Variants in ATP11C observed in about 807,000 individuals in gnomAD.
The protein encoded by ATP11C is phospholipid-transporting ATPase IG.
In ATP11C, 36 loss-of-function variants were observed where a neutral mutation model predicts 97.4. The ratio of observed to expected loss-of-function variants is 0.37; its 90% CI spans 0.28 to 0.49. The LOEUF is 0.49. Among genes scored for constraint, ATP11C ranks in the 20% least tolerant of loss-of-function variants. The pLI is 0.98. For synonymous variants in ATP11C, 275 were observed against 290.9 expected, an observed-to-expected ratio of 0.95 and a Z score of 0.56; for missense variants, 730 against 824.6, an observed-to-expected ratio of 0.89 and a Z score of 1.40.
At chrX:139,859,877 G>A (rs1427087436) in intron 1 of ATP11C, among the ~76,000 whole-genome samples, 5 of 81,916 alleles carry the variant, frequency 6.1e-5, no homozygotes, top group Middle Eastern at 5.0e-3. Flanking sequence ...CGAGGCGGGC[G>A]GATCACGAGG....
Position 139,737,910 on chromosome X carries a change from T to C in ATP11C, c.3288+6A>G. ...AATCAGGTTGTAAGATAAACTTAGT[T>C]CTTACCCTGGCACTTCTTCTTCTTA... On this transcript the variant is annotated splice_donor_region_variant and intron_variant, in intron 28 of 29. Transcript: ENST00000682941. 8.3e-7 allele frequency: 1 copy of C among 1,202,214 alleles called. No homozygotes were observed. Among genetic ancestry groups the C allele is most frequent in the African/African-American group, 1.7e-5 (1 of 57,361 alleles).
intron 15 of ATP11C, among the ~76,000 whole-genome samples, chrX:139,785,995 T>C (rs1020354708): frequency 9.0e-6 from 1 of 110,909 alleles, no homozygotes; most frequent in African/African-American, 3.3e-5. Flanking sequence ...AAAAAACTCA[T>C]CAATAGGGGA....
chrX:139,824,447 A>T (rs1377281856), intron 2 of ATP11C, among the ~76,000 whole-genome samples: 1 of 111,933 alleles, frequency 8.9e-6, no homozygotes, highest in East Asian at 2.8e-4. Context: ...CACGCCTGTA[A>T]TCCCAGCACT....
intron 1 of ATP11C, among the ~76,000 whole-genome samples, chrX:139,875,045 C>G (rs1022408802): frequency 9.0e-6 from 1 of 111,566 alleles, no homozygotes; most frequent in African/African-American, 3.3e-5. Flanking sequence ...TCCTCTCCAT[C>G]ACACCACTTT....
chrX:139,812,721 T>C (rs572087386), intron 5 of ATP11C, among the ~76,000 whole-genome samples: 1 of 110,571 alleles, frequency 9.0e-6, no homozygotes, highest in Non-Finnish European at 1.9e-5. Context: ...GGTTTTGCCA[T>C]GTTGCCCAGG....
At chrX:139,754,252 A>G (rs1012954452) in intron 23 of ATP11C, among the ~76,000 whole-genome samples, 2 of 111,593 alleles carry the variant, frequency 1.8e-5, no homozygotes, top group Non-Finnish European at 3.8e-5. Context: ...CTGGACATAT[A>G]CAACCTCCCA....
intron 2 of ATP11C, among the ~76,000 whole-genome samples, chrX:139,826,487 G>A (rs2083532533): frequency 9.0e-6 from 1 of 111,022 alleles, no homozygotes; most frequent in African/African-American, 3.3e-5. Context: ...GAATCATAAC[G>A]GAAGGCAAGT....
At chrX:139,899,370 G>A (rs186442221) in intron 1 of ATP11C, among the ~76,000 whole-genome samples, 5 of 109,394 alleles carry the variant, frequency 4.6e-5, no homozygotes, top group South Asian at 8.2e-4. Context: ...CCAGCTACTC[G>A]GGAGGCTGAG....
Position 139,796,297 on chromosome X carries a change from T to C in ATP11C, c.1182A>G (p.Ser394=), listed in dbSNP as rs1245826422. ...CCTGACCAAGTTCTTCATTAAGGTC[T>C]GATGTGTTAACCAGGGCTCCTTCAT... The part of the protein sequence containing the change: ...EINEGALVNT[S]DLNEELGQVD... Residue 394 remains serine (S), a synonymous_variant, in exon 12 of 30, where the codon TCA becomes TCG. Coordinates refer to ENST00000682941, the MANE Select transcript of ATP11C (RefSeq NM_001353812.2). 1.2e-5 allele frequency: 15 copies of C among 1,204,075 alleles called. No homozygotes were observed. Among genetic ancestry groups the C allele is most frequent in the Non-Finnish European group, 1.7e-5 (15 of 891,537 alleles).
intron 1 of ATP11C, among the ~76,000 whole-genome samples, chrX:139,891,964 C>A (rs924244441): frequency 1.8e-5 from 2 of 110,924 alleles, no homozygotes; most frequent in Admixed American, 9.7e-5. Context: ...TCAAGCAATT[C>A]TCATGCCTCA....
At chrX:139,763,229 A>T in intron 21 of ATP11C, 87 bp downstream of exon 21, 1 of 716,788 alleles carries the variant, frequency 1.4e-6, no homozygotes, top group Admixed American at 2.9e-5. Flanking sequence ...TGAGTAACCA[A>T]AACAGTCACT....
rs146908980 is a variant in ATP11C, at chrX:139,923,544, C to T, written c.27+8472G>A. ...AGTGTTCCAAGAAAGCTGTGATTCA[C>T]ATGAATGTTTTCAGAAAAGAAGCCA... On this transcript the variant is annotated intron_variant, in intron 1 of 29. Coordinates refer to ENST00000682941, the MANE Select transcript of ATP11C (RefSeq NM_001353812.2). Among the ~76,000 whole-genome samples, 532 of 112,220 alleles carry T rather than the reference C, an allele frequency of 4.7e-3. 6 individuals are homozygous for T. Among genetic ancestry groups the T allele is most frequent in the African/African-American group, 0.016 (488 of 30,921 alleles).
intron 29 of ATP11C, among the ~76,000 whole-genome samples, chrX:139,730,834 C>T (rs2081327380): frequency 1.8e-5 from 2 of 110,686 alleles, no homozygotes; most frequent in African/African-American, 6.6e-5. Flanking sequence ...TTGTTAAAGG[C>T]CCCCACTGAA....
chrX:139,776,442 T>C (rs1426721622), intron 18 of ATP11C, among the ~76,000 whole-genome samples: 7 of 111,927 alleles, frequency 6.3e-5, no homozygotes, highest in Non-Finnish European at 9.4e-5. Flanking sequence ...GATGTATCCA[T>C]GGTCTGCAGC....
At position 139,862,374 on chromosome X, in the gene ATP11C, C is replaced by T. The variant is rs767975079; in HGVS notation, c.28-35551G>A. ...CTTGAAGCTCCTCGGTCAGAAGTTG[C>T]AGAGGCCCAGACTTGGAACTGGTGC... On this transcript the variant is annotated intron_variant, in intron 1 of 29. Coordinates refer to ENST00000682941, the MANE Select transcript of ATP11C (RefSeq NM_001353812.2). Among the ~76,000 whole-genome samples the T allele has an allele frequency of 4.5e-5, 5 of 111,719 alleles. No homozygotes were observed. In the South Asian group the frequency reaches 1.1e-3, roughly 25 times the overall value.
At chrX:139,812,158 C>T (rs1049031129) in intron 5 of ATP11C, among the ~76,000 whole-genome samples, 42 of 111,596 alleles carry the variant, frequency 3.8e-4, no homozygotes, top group African/African-American at 1.2e-3. Flanking sequence ...AAACTCTTTC[C>T]CCCGACTCCC....
At chrX:139,731,252 G>T (rs895947251) in intron 29 of ATP11C, among the ~76,000 whole-genome samples, 1 of 111,805 alleles carries the variant, frequency 8.9e-6, no homozygotes, top group African/African-American at 3.2e-5. Context: ...AAATTGGCTT[G>T]ATATTATACA....
At chrX:139,854,466 G>A in intron 1 of ATP11C, among the ~76,000 whole-genome samples, 1 of 111,857 alleles carries the variant, frequency 8.9e-6, no homozygotes, top group African/African-American at 3.2e-5. Context: ...AAAAAAAGGG[G>A]GGAGGAGAAT....
intron 27 of ATP11C, among the ~76,000 whole-genome samples, chrX:139,738,422 T>C (rs760408544): frequency 1.9e-4 from 21 of 112,059 alleles, no homozygotes; most frequent in African/African-American, 6.5e-4. Flanking sequence ...AGCATTTTAT[T>C]TCCTCAGCTG....
Sources: gnomAD v4.1 joint callset for allele counts (sites outside exome capture counted in the v4.1 genomes callset) on GRCh38, gnomAD v4.1.1 for gene constraint, MANE v1.5 for transcripts, NCBI Gene and HGNC (gene_info 2026-07-23, HGNC 2026-07-21) for gene names.